SNTG2: variants seen among roughly 807,000 people sequenced by gnomAD.
SNTG2 encodes syntrophin gamma 2, also known as gamma-2-syntrophin.
Under a neutral mutation model 70.9 loss-of-function variants are expected in SNTG2, and 74 were observed. The ratio of observed to expected loss-of-function variants is 1.04; its 90% confidence interval spans 0.86 to 1.27. SNTG2 has a LOEUF of 1.27. SNTG2 is among the 50% of genes most tolerant of loss of function. The probability of loss-of-function intolerance (pLI) is 0.00; values close to 1 mark genes in which losing one functional copy is unlikely to be tolerated. For synonymous variants in SNTG2, 278 were observed against 273.8 expected, an observed-to-expected ratio of 1.02 and a Z score of -0.15; for missense variants, 717 against 690.7, an observed-to-expected ratio of 1.04 and a Z score of -0.43.
intron 1 of SNTG2, among the ~76,000 whole-genome samples, chr2:974,364 C>T (rs1225742405): frequency 6.6e-6 from 1 of 152,202 alleles, no homozygotes; most frequent in East Asian, 1.9e-4. Context: ...GAGTGTTCCC[C>T]CACAGGAAGC....
rs191168122 is a variant in SNTG2, at chr2:1,144,307, C to G, written c.411+6498C>G. On this transcript the variant is annotated intron_variant, in intron 6 of 16. Transcript: ENST00000308624. ...ACTGGCCAGAAATGGATAGACCCAC[C>G]AGACAGAAATCAGAAAGGACATAAC... 3.0e-3 allele frequency among the ~76,000 whole-genome samples: 462 copies of G among 152,242 alleles called. 1 individual carries two copies. The highest frequency in any genetic ancestry group is 8.1e-3 in the South Asian group (39 of 4,818).
At chr2:1,222,444 G>C (rs1007792894) in intron 9 of SNTG2, among the ~76,000 whole-genome samples, 1 of 152,270 alleles carries the variant, frequency 6.6e-6, no homozygotes, top group Non-Finnish European at 1.5e-5. Flanking sequence ...AAATGAACAG[G>C]AGGGGCTTCT....
chr2:1,245,659 C>T (rs148059208), intron 11 of SNTG2, among the ~76,000 whole-genome samples: 454 of 152,232 alleles, frequency 3.0e-3, no homozygotes, highest in African/African-American at 0.01. Flanking sequence ...AGTATAAATG[C>T]TAGTGTTATA....
At chr2:1,175,611 T>C (rs1044520765) in intron 8 of SNTG2, among the ~76,000 whole-genome samples, 2 of 152,232 alleles carry the variant, frequency 1.3e-5, no homozygotes, top group African/African-American at 4.8e-5. Context: ...TATTATTTAA[T>C]ATTTTCCTAC....
intron 12 of SNTG2, among the ~76,000 whole-genome samples, chr2:1,253,490 C>T (rs996803861): frequency 1.3e-5 from 2 of 152,096 alleles, no homozygotes; most frequent in African/African-American, 4.8e-5. Flanking sequence ...CACAGAGCTT[C>T]GATTCTCAGC....
At chr2:1,359,763 A>T (rs764210026) in intron 16 of SNTG2, among the ~76,000 whole-genome samples, 1 of 152,168 alleles carries the variant, frequency 6.6e-6, no homozygotes, top group Non-Finnish European at 1.5e-5. Context: ...GCGAATTTCT[A>T]TTTAGGTTCT....
chr2:1,028,696 C>G (rs955900727), intron 1 of SNTG2, among the ~76,000 whole-genome samples: 6 of 151,742 alleles, frequency 4.0e-5, no homozygotes, highest in Non-Finnish European at 7.4e-5. Context: ...CCAACACATT[C>G]CTGGTCCTCT....
At chr2:1,183,394 T>C (rs1482435827) in intron 8 of SNTG2, among the ~76,000 whole-genome samples, 1 of 152,186 alleles carries the variant, frequency 6.6e-6, no homozygotes, top group African/African-American at 2.4e-5. Context: ...GGTGATATGA[T>C]ACGTGTATGT....
intron 14 of SNTG2, among the ~76,000 whole-genome samples, chr2:1,287,214 A>C (rs1404696523): frequency 1.3e-5 from 2 of 152,196 alleles, no homozygotes; most frequent in African/African-American, 2.4e-5. Flanking sequence ...ACATTTAAGG[A>C]ATGTTGGAAA....
intron 8 of SNTG2, among the ~76,000 whole-genome samples, chr2:1,182,605 G>C (rs1335533691): frequency 6.6e-6 from 1 of 152,212 alleles, no homozygotes; most frequent in Non-Finnish European, 1.5e-5. Context: ...GATAGCAAAT[G>C]ACCTTGCACA....
At chr2:1,262,713 G>A (rs1167286074) in intron 13 of SNTG2, 7 of 101,524 alleles carry the variant, frequency 6.9e-5, no homozygotes, top group African/African-American at 1.4e-4. Flanking sequence ...GAGGCAACCG[G>A]AAGGCTCCGT....
intron 1 of SNTG2, among the ~76,000 whole-genome samples, chr2:1,055,763 T>C (rs1662353585): frequency 6.6e-6 from 1 of 152,208 alleles, no homozygotes; most frequent in Admixed American, 6.5e-5. Flanking sequence ...AGTGTGAACA[T>C]TTCCATTTTC....
At chr2:1,075,802 A>C (rs1266351708) in intron 1 of SNTG2, among the ~76,000 whole-genome samples, 1 of 152,244 alleles carries the variant, frequency 6.6e-6, no homozygotes, top group African/African-American at 2.4e-5. Flanking sequence ...CTAACATGAA[A>C]ATATCCATAA....
chr2:1,099,632 TGAGGGCAG>T, intron 4 of SNTG2, among the ~76,000 whole-genome samples: 1 of 151,990 alleles, frequency 6.6e-6, no homozygotes, highest in South Asian at 2.1e-4. Context: ...GTGGGTGCAG[TGAGGGCAG>T]CGATGGTCAG....
At chr2:976,455 G>C (rs7586629) in intron 1 of SNTG2, among the ~76,000 whole-genome samples, 3 of 151,896 alleles carry the variant, frequency 2.0e-5, no homozygotes, top group African/African-American at 7.3e-5. Flanking sequence ...GGAAGCCAGC[G>C]ATTGTTCTTG....
At chr2:1,341,729 T>C (rs1376336562) in intron 16 of SNTG2, 1 of 152,194 alleles carries the variant, frequency 6.6e-6, no homozygotes, top group Non-Finnish European at 1.5e-5. Context: ...AAGACAAGGC[T>C]GGAGGGACCT....
intron 1 of SNTG2, among the ~76,000 whole-genome samples, chr2:1,014,413 A>G (rs1192134884): frequency 1.0e-5 from 1 of 96,344 alleles, no homozygotes; most frequent in African/African-American, 3.5e-5. Context: ...GGTAGAGAGA[A>G]GGGTGCTCTG....
rs1675204814 is a variant in SNTG2, at chr2:1,222,115, G to GTCTCTCTCTGTCTCTGCCTATC, written c.719+12900_719+12901insGCCTATCTCTCTCTCTGTCTCT. Among the ~76,000 whole-genome samples the GTCTCTCTCTGTCTCTGCCTATC allele has an allele frequency of 1.4e-4, 3 of 22,060 alleles. 1 individual carries two copies. Among genetic ancestry groups the GTCTCTCTCTGTCTCTGCCTATC allele is most frequent in the African/African-American group, 5.2e-4 (3 of 5,720 alleles). 14.5% of individuals were successfully genotyped at this position (22,060 alleles called of 152,430 possible). A position where few individuals can be genotyped will look rare whatever the true frequency, so the allele number is the denominator to read the frequency against. On this transcript the variant is annotated intron_variant, in intron 9 of 16. Transcript: ENST00000308624. ...TCTCTGTCTCTCTCTGTCTCTCTCT[G>GTCTCTCTCTGTCTCTGCCTATC]TCTCTCTCTGTCTCTCTCTGTCTCT...
chr2:1,168,536 C>A (rs767843932), intron 7 of SNTG2, among the ~76,000 whole-genome samples: 8 of 152,230 alleles, frequency 5.3e-5, no homozygotes, highest in African/African-American at 1.4e-4. Flanking sequence ...GTGAACTTTT[C>A]CTGTTTCAGC....
Sources: gnomAD v4.1 joint callset for allele counts (sites outside exome capture counted in the v4.1 genomes callset) on GRCh38, gnomAD v4.1.1 for gene constraint, MANE v1.5 for transcripts, NCBI Gene and HGNC (gene_info 2026-07-23, HGNC 2026-07-21) for gene names.